The following NCOA4 variants were observed in gnomAD, a reference collection of about 807,000 sequenced individuals.
The protein encoded by NCOA4 is 70 kDa AR-activator.
Under a neutral mutation model 69.5 loss-of-function variants are expected in NCOA4, and 31 were observed. The observed-to-expected ratio is 0.45, with a 90% CI of 0.34 to 0.60. The LOEUF is 0.60. NCOA4 is among the 20% of genes least tolerant of loss of function. The probability of loss-of-function intolerance (pLI) is 0.02; values close to 1 mark genes in which losing one functional copy is unlikely to be tolerated. For missense variants in NCOA4, 600 were observed against 719.2 expected, an observed-to-expected ratio of 0.83 and a Z score of 1.90; for synonymous variants, 228 against 252.4, an observed-to-expected ratio of 0.90 and a Z score of 0.92.
At chr10:46,023,699 T>C (rs1554925016) in intron 1 of NCOA4, among the ~76,000 whole-genome samples, 1 of 152,234 alleles carries the variant, frequency 6.6e-6, no homozygotes. Flanking sequence ...TCTCCCCACT[T>C]GCTCCACCCG....
At position 46,010,218 on chromosome 10, in the gene NCOA4, C is replaced by T. The variant is rs1554920818; in HGVS notation, c.1698+5G>A. ...AACCAGTGCTATTTTGATGTTTATGCTCACCTGGGCCTTCTTTCGAAGCAG... is the reference window on the plus strand; with the variant it reads ...AACCAGTGCTATTTTGATGTTTATGTTCACCTGGGCCTTCTTTCGAAGCAG... On this transcript the variant is annotated splice_donor_5th_base_variant and intron_variant, in intron 8 of 9. Coordinates refer to ENST00000581486, the MANE Select transcript of NCOA4 (RefSeq NM_001145263.2). 4 of 1,583,968 alleles carry T rather than the reference C, an allele frequency of 2.5e-6. No homozygotes were observed. The highest frequency in any genetic ancestry group is 1.2e-5 in the South Asian group (1 of 86,406).
intron 1 of NCOA4, among the ~76,000 whole-genome samples, chr10:46,021,818 G>C (rs1839886279): frequency 2.0e-5 from 3 of 152,158 alleles, no homozygotes; most frequent in Admixed American, 6.5e-5. Flanking sequence ...AATTAGCCGG[G>C]CGTGGTGGCG....
intron 9 of NCOA4, among the ~76,000 whole-genome samples, chr10:46,007,963 C>T (rs1384907727): frequency 8.5e-5 from 13 of 152,152 alleles, no homozygotes; most frequent in Non-Finnish European, 1.2e-4. Context: ...TCTGCCTGTG[C>T]TCTAGAAATG....
chr10:46,015,182 G>C lies in NCOA4; in HGVS notation c.226C>G (p.Leu76Val), dbSNP rs1554922868. 1 of 1,614,098 alleles carries C rather than the reference G, an allele frequency of 6.2e-7. No homozygotes were observed. The highest frequency in any genetic ancestry group is 1.1e-5 in the South Asian group (1 of 91,082). ...REVWLYEQVD[L>V]IYQLKEETLQ... ...GTCTCCTCTTTAAGCTGATAAATAA[G>C]GTCCACCTGTTCATACAGCCATACC... is the stretch of plus-strand genomic sequence containing the variant. Residue 76 changes from leucine to valine, a missense_variant, in exon 3 of 10, where the codon CTT becomes GTT. By Grantham distance (32) the Leu-to-Val change is conservative. Coordinates refer to ENST00000581486, the MANE Select transcript of NCOA4 (RefSeq NM_001145263.2).
intron 1 of NCOA4, among the ~76,000 whole-genome samples, chr10:46,017,011 A>T (rs1296000811): frequency 6.6e-6 from 1 of 152,244 alleles, no homozygotes; most frequent in Non-Finnish European, 1.5e-5. Context: ...ACATTAGAAT[A>T]TCATTTTCTA....
intron 1 of NCOA4, chr10:46,019,465 ATT>A: frequency 1.0e-6 from 1 of 985,436 alleles, no homozygotes; most frequent in Non-Finnish European, 1.2e-6. Flanking sequence ...CCTGTGCCAA[ATT>A]TCTCACTTTT....
Position 46,006,063 on chromosome 10 carries a change from TTTG to T in NCOA4, c.*526_*528del, listed in dbSNP as rs1838791081. On this transcript the variant is annotated 3_prime_UTR_variant, in exon 10 of 10. Coordinates refer to ENST00000581486, the MANE Select transcript of NCOA4 (RefSeq NM_001145263.2). ...AATTGCCAAGATTATTAATATATAT[TTTG>T]GTAATCACTATTGACCAGGTTAATT... The T allele has an allele frequency of 4.8e-6, 1 of 207,480 alleles. No homozygotes were observed. Among genetic ancestry groups the T allele is most frequent in the African/African-American group, 2.3e-5 (1 of 43,918 alleles). 12.9% of individuals were successfully genotyped at this position (207,480 alleles called of 1,614,324 possible).
At chr10:46,017,618 T>C (rs781955224) in intron 1 of NCOA4, among the ~76,000 whole-genome samples, 7 of 152,060 alleles carry the variant, frequency 4.6e-5, no homozygotes, top group Non-Finnish European at 8.8e-5. Flanking sequence ...TAATATATAA[T>C]ATATAAAAGA....
intron 3 of NCOA4, 34 bp downstream of exon 3, chr10:46,015,092 G>C: frequency 6.2e-7 from 1 of 1,613,852 alleles, no homozygotes; most frequent in East Asian, 2.2e-5. Flanking sequence ...CAGAAGCCAT[G>C]CTCAAACCAA....
rs139341420 is a variant in NCOA4, at chr10:46,021,393, C to A, written c.-14-4699G>T. Among the ~76,000 whole-genome samples the A allele has an allele frequency of 4.6e-3, 695 of 152,338 alleles. 5 individuals carry two copies. Among genetic ancestry groups the A allele is most frequent in the East Asian group, 0.019 (98 of 5,188 alleles). ...AGCCCAGATAGTTTAAGTGACCCAT[C>A]TGAAGGGCCACAGCCAGAAGGGGTA... On this transcript the variant is annotated intron_variant, in intron 1 of 9. Coordinates refer to ENST00000581486, the MANE Select transcript of NCOA4 (RefSeq NM_001145263.2).
chr10:46,014,654 C>G (rs1202830543), intron 4 of NCOA4, 102 bp from the exon 5 acceptor site: 8 of 897,038 alleles, frequency 8.9e-6, no homozygotes, highest in Non-Finnish European at 1.4e-5. Flanking sequence ...AATGATTACA[C>G]TTCTCTAAGA....
chr10:46,006,629 C>T, intron 9 of NCOA4, 32 bp from the exon 10 acceptor site: 1 of 1,613,434 alleles, frequency 6.2e-7, no homozygotes, highest in Non-Finnish European at 8.5e-7. Context: ...TGATAAGTTA[C>T]TTCAATGAAG....
chr10:46,012,932 G>A lies in NCOA4; in HGVS notation c.665C>T (p.Thr222Ile), dbSNP rs782660774. 1.2e-6 allele frequency: 2 copies of A among 1,614,178 alleles called. No individual in the cohort carries two copies. The highest frequency in any genetic ancestry group is 3.3e-5 in the Admixed American group (2 of 60,022). The change falls in exon 7 of 10, where the codon ACC (threonine) becomes ATC (isoleucine). Residue 222 changes from threonine (T) to isoleucine (I), a missense_variant. Physicochemically the swap from Thr to Ile is moderately conservative, Grantham distance 89 (BLOSUM62 -1). Coordinates refer to ENST00000581486, the MANE Select transcript of NCOA4 (RefSeq NM_001145263.2). ...SGYQAPYIPS[T>I]DPQDWLTQKQ... ...TTGGGTAAGCCAGTCCTGGGGGTCG[G>A]TGCTGGGTATGTAAGGAGCTTGATA... is the stretch of plus-strand genomic sequence containing the variant.
At chr10:46,010,109 A>C in intron 8 of NCOA4, 114 bp downstream of exon 8, 1 of 1,316,260 alleles carries the variant, frequency 7.6e-7, no homozygotes, top group Non-Finnish European at 1.0e-6. Flanking sequence ...GGGAGGTTGC[A>C]ATGAGCTGAG....
chr10:46,006,190 C>A lies in NCOA4; in HGVS notation c.*402G>T. On this transcript the variant is annotated 3_prime_UTR_variant, in exon 10 of 10. Transcript: ENST00000581486. ...CACAGCAAGAGAAGCATCTGTAGGGCAATTAAACGTTAGGGAAGTTTACTA... is the reference window on the plus strand; with the variant it reads ...CACAGCAAGAGAAGCATCTGTAGGGAAATTAAACGTTAGGGAAGTTTACTA... 1 of 245,340 alleles carries A rather than the reference C, an allele frequency of 4.1e-6. No homozygotes were observed. Among genetic ancestry groups the A allele is most frequent in the Admixed American group, 5.2e-5 (1 of 19,058 alleles). The allele number at this position is 245,340 out of a possible 1,614,324, so 15.2% of individuals were successfully genotyped here. A position where few individuals can be genotyped will look rare whatever the true frequency, so the allele number is the denominator to read the frequency against.
chr10:46,009,474 A>T lies in NCOA4; in HGVS notation c.1776T>A (p.Asp592Glu), dbSNP rs782137431. 1 of 1,612,522 alleles carries T rather than the reference A, an allele frequency of 6.2e-7. No homozygotes were observed. The highest frequency in any genetic ancestry group is 1.7e-5 in the Admixed American group (1 of 60,028). ...CTTTAAGCTGCATACAGGCAAAGAG[A>T]TCACAAACTGCAGGGAGGCCATAAT... is the stretch of plus-strand genomic sequence containing the variant. ...PDHYGLPAVC[D>E]LFACMQLKVD... The change falls in exon 9 of 10, where the codon GAT (aspartate) becomes GAA (glutamate). Residue 592 changes from aspartate (D) to glutamate (E), a missense_variant. Coordinates refer to ENST00000581486, the MANE Select transcript of NCOA4 (RefSeq NM_001145263.2).
At chr10:46,009,616 C>A in intron 8 of NCOA4, 65 bp from the exon 9 acceptor site, 1 of 1,415,754 alleles carries the variant, frequency 7.1e-7, no homozygotes. Flanking sequence ...AACTTATCTT[C>A]CAAATAGGGT....
intron 9 of NCOA4, among the ~76,000 whole-genome samples, chr10:46,007,670 G>A (rs1838926792): frequency 7.2e-6 from 1 of 139,588 alleles, no homozygotes; most frequent in Non-Finnish European, 1.5e-5. Flanking sequence ...ATAGCACACT[G>A]CAGCCTTGAC....
chr10:46,022,545 C>G (rs1839940616), intron 1 of NCOA4: 1 of 433,752 alleles, frequency 2.3e-6, no homozygotes, highest in Non-Finnish European at 4.6e-6. Flanking sequence ...ACTGCAAGCT[C>G]CACCTCCCGG....
Sources: gnomAD v4.1 joint callset for allele counts (sites outside exome capture counted in the v4.1 genomes callset) on GRCh38, gnomAD v4.1.1 for gene constraint, MANE v1.5 for transcripts, NCBI Gene and HGNC (gene_info 2026-07-23, HGNC 2026-07-21) for gene names.